RUNX1: variants seen among roughly 807,000 people sequenced by gnomAD.
The protein encoded by RUNX1 is RUNX family transcription factor 1, also known as runt-related transcription factor 1.
A neutral mutation model predicts 42.8 loss-of-function variants in RUNX1; 19 were observed. The ratio of observed to expected loss-of-function variants is 0.44; its 90% CI spans 0.31 to 0.65. The LOEUF (loss-of-function observed/expected upper bound fraction) is 0.65. Among genes scored for constraint, RUNX1 ranks in the 30% least tolerant of loss-of-function variants. The pLI is 0.07. For synonymous variants in RUNX1, 271 were observed against 289.4 expected (o/e 0.94, Z 0.64); for missense variants, 528 against 672.0 (o/e 0.79, Z 2.37).
chr21:35,013,156 C>T (rs911639759), intron 2 of RUNX1, among the ~76,000 whole-genome samples: 3 of 152,194 alleles, frequency 2.0e-5, no homozygotes, highest in Admixed American at 6.5e-5. Flanking sequence ...CATCATTTAC[C>T]TTCTTTAAAA....
chr21:35,030,987 T>C (rs2059268762), intron 2 of RUNX1, among the ~76,000 whole-genome samples: 1 of 152,084 alleles, frequency 6.6e-6, no homozygotes, highest in Non-Finnish European at 1.5e-5. Context: ...TCAACATCAC[T>C]CCTCATCATG....
rs145835251 is a variant in RUNX1 at position 34,982,255 on chromosome 21, G to A, written c.58+66587C>T. ...ATACAAGGTGTAGAGAATTCTTCTA[G>A]GGATAGACTTCTAAGTCCAAGCTAC... is the stretch of plus-strand genomic sequence containing the variant. On this transcript the variant is annotated intron_variant, in intron 2 of 8. Transcript: ENST00000675419. Among the ~76,000 whole-genome samples the A allele has an allele frequency of 1.1e-4, 16 of 152,232 alleles. No homozygotes were observed. In the East Asian group the frequency reaches 3.1e-3, roughly 29 times the overall value.
At chr21:34,803,355 C>T (rs1260304994) in intron 7 of RUNX1, among the ~76,000 whole-genome samples, 1 of 151,842 alleles carries the variant, frequency 6.6e-6, no homozygotes, top group African/African-American at 2.4e-5. Flanking sequence ...AGACCATCCT[C>T]GCTAACACGG....
chr21:34,908,576 AG>A (rs201708857), intron 2 of RUNX1, among the ~76,000 whole-genome samples: 1 of 152,074 alleles, frequency 6.6e-6, no homozygotes, highest in Non-Finnish European at 1.5e-5. Context: ...TTTTGTGGAC[AG>A]GGGGGTCGGG....
At chr21:34,855,012 C>T (rs191119663) in intron 6 of RUNX1, among the ~76,000 whole-genome samples, 4 of 152,280 alleles carry the variant, frequency 2.6e-5, no homozygotes, top group Admixed American at 2.0e-4. Context: ...AACACAGTCA[C>T]GTGAAAGACT....
intron 5 of RUNX1, among the ~76,000 whole-genome samples, chr21:34,868,111 G>A (rs759144082): frequency 6.6e-6 from 1 of 152,224 alleles, no homozygotes; most frequent in Non-Finnish European, 1.5e-5. Flanking sequence ...ACTGCAGGTA[G>A]GAAGAAAGGC....
At chr21:34,920,651 G>A (rs905577740) in intron 2 of RUNX1, among the ~76,000 whole-genome samples, 4 of 152,106 alleles carry the variant, frequency 2.6e-5, no homozygotes, top group Non-Finnish European at 5.9e-5. Flanking sequence ...AAAAACTTGC[G>A]TTCTGAGGCC....
intron 7 of RUNX1, among the ~76,000 whole-genome samples, chr21:34,830,854 C>T (rs2057053343): frequency 6.6e-6 from 1 of 152,228 alleles, no homozygotes; most frequent in South Asian, 2.1e-4. Context: ...TGACAACCAG[C>T]ATGCAGAAGA....
chr21:34,858,763 G>A (rs980924787), intron 6 of RUNX1, among the ~76,000 whole-genome samples: 2 of 152,122 alleles, frequency 1.3e-5, no homozygotes, highest in Admixed American at 6.5e-5. Flanking sequence ...CCTGGGGAAG[G>A]GTGTGGTTCT....
intron 8 of RUNX1, among the ~76,000 whole-genome samples, chr21:34,798,389 A>T (rs1321234998): frequency 3.3e-5 from 5 of 152,226 alleles, no homozygotes; most frequent in Admixed American, 6.5e-5. Context: ...AGCAAAGGTG[A>T]GTGCCAAGCC....
At chr21:34,820,987 A>G (rs1006612761) in intron 7 of RUNX1, among the ~76,000 whole-genome samples, 8 of 152,356 alleles carry the variant, frequency 5.3e-5, no homozygotes, top group African/African-American at 1.4e-4. Context: ...AGTAAAATAT[A>G]GGGCTTTGAG....
At chr21:35,049,142 C>T (rs1182779964) in intron 1 of RUNX1, 26 bp downstream of exon 1, 1 of 508,124 alleles carries the variant, frequency 2.0e-6, no homozygotes, top group African/African-American at 1.9e-5. Context: ...CCAGCGCCGC[C>T]TTGGCTGTGG....
Position 34,926,311 on chromosome 21 carries a change from C to CA in RUNX1, c.59-33349dup, listed in dbSNP as rs937788036. On this transcript the variant is annotated intron_variant, in intron 2 of 8. Transcript: ENST00000675419. ...GCAACATAGTGGGACCCCATCTCTA[C>CA]AAAAAAATACAAAAATTAGCCCAAG... 9.3e-4 allele frequency among the ~76,000 whole-genome samples: 140 copies of CA among 150,836 alleles called. 1 individual carries two copies. Among genetic ancestry groups the CA allele is most frequent in the African/African-American group, 3.1e-3 (129 of 41,088 alleles).
chr21:34,812,434 A>C (rs2056770170), intron 7 of RUNX1, among the ~76,000 whole-genome samples: 1 of 152,218 alleles, frequency 6.6e-6, no homozygotes, highest in Admixed American at 6.5e-5. Flanking sequence ...TTGTGCTTTC[A>C]TAAGCTCATC....
chr21:34,928,928 G>C (rs932927353), intron 2 of RUNX1, among the ~76,000 whole-genome samples: 1 of 141,380 alleles, frequency 7.1e-6, no homozygotes, highest in African/African-American at 2.7e-5. Flanking sequence ...AAATCCCTGA[G>C]AGTATTGCAA....
In RUNX1 at chr21:34,944,031, T is replaced by A. The variant is rs116918530; in HGVS notation, c.59-51068A>T. ...AAGACTTTTTTTTACTTTTTAAAGA[T>A]GAGGTCTTGCTCTGTCACCCAGGCT... On this transcript the variant is annotated intron_variant, in intron 2 of 8. Coordinates refer to ENST00000675419, the MANE Select transcript of RUNX1 (RefSeq NM_001754.5). 4.4e-4 allele frequency among the ~76,000 whole-genome samples: 67 copies of A among 152,286 alleles called. No individual in the cohort carries two copies. In the East Asian group the frequency reaches 0.013, roughly 29 times the overall value.
At chr21:34,829,312 T>C (rs2057031929) in intron 7 of RUNX1, among the ~76,000 whole-genome samples, 1 of 152,242 alleles carries the variant, frequency 6.6e-6, no homozygotes, top group Non-Finnish European at 1.5e-5. Context: ...ATGGGTGTGC[T>C]GGCCTACATA....
intron 5 of RUNX1, among the ~76,000 whole-genome samples, chr21:34,872,227 C>T (rs997996068): frequency 1.2e-4 from 18 of 152,212 alleles, no homozygotes; most frequent in African/African-American, 4.3e-4. Context: ...GGACTCTCTG[C>T]TGAAGTATTC....
At chr21:34,922,169 T>C (rs564876947) in intron 2 of RUNX1, among the ~76,000 whole-genome samples, 3 of 152,084 alleles carry the variant, frequency 2.0e-5, no homozygotes, top group Admixed American at 2.0e-4. Flanking sequence ...GGACTGTAAG[T>C]GGGGGGCTCG....
Sources: allele counts gnomAD v4.1 joint callset (sites outside exome capture counted in the v4.1 genomes callset), GRCh38; gene constraint gnomAD v4.1.1; transcripts MANE v1.5; gene names NCBI Gene and HGNC (gene_info 2026-07-23, HGNC 2026-07-21).